The following ELF1 variants were observed in gnomAD, a reference collection of about 807,000 sequenced individuals.
The protein encoded by ELF1 is ETS-related transcription factor Elf-1.
In ELF1, 24 loss-of-function variants were observed where a neutral mutation model predicts 59.9. The ratio of observed to expected loss-of-function variants is 0.40; its 90% confidence interval spans 0.29 to 0.56. The LOEUF is 0.56. ELF1 is among the 20% of genes least tolerant of loss of function. The pLI, the probability that ELF1 is intolerant of heterozygous loss-of-function variation, is 0.44. For missense variants in ELF1, 627 were observed against 742.2 expected (o/e 0.84, Z 1.80); for synonymous variants, 248 against 266.2 (o/e 0.93, Z 0.67).
chr13:40,982,826 G>C, intron 1 of ELF1: 2 of 978,066 alleles, frequency 2.0e-6, no homozygotes, highest in Non-Finnish European at 2.4e-6. Context: ...CTTTAAAAAG[G>C]CTTCTGATAA....
rs1237659823 is a variant in ELF1, at chr13:41,052,870, A to C, written c.-229+7968T>G. On this transcript the variant is annotated intron_variant, in intron 1 of 1. Transcript: ENST00000405737. The stretch of plus-strand genomic sequence containing the variant: ...CTACATAAACGTGCACTTTCATCAT[A>C]GTCTACTTCACTTACAATTACACAG... 2.0e-5 allele frequency among the ~76,000 whole-genome samples: 3 copies of C among 152,368 alleles called. No individual in the cohort carries two copies. The East Asian group carries it at 5.8e-4, about 29-fold the overall frequency.
intron 1 of ELF1, among the ~76,000 whole-genome samples, chr13:41,043,100 T>G (rs1204865345): frequency 6.6e-6 from 1 of 152,250 alleles, no homozygotes; most frequent in Non-Finnish European, 1.5e-5. Flanking sequence ...CAAAAATGTC[T>G]TCTTTTGAGA....
intron 5 of ELF1, among the ~76,000 whole-genome samples, chr13:40,948,440 G>A (rs188772218): frequency 2.0e-5 from 3 of 152,238 alleles, no homozygotes; most frequent in South Asian, 2.1e-4. Flanking sequence ...GCCTCAACAC[G>A]GACAATAAAA....
chr13:41,002,469 C>T (rs1046713403), intron 1 of ELF1, among the ~76,000 whole-genome samples: 3 of 151,212 alleles, frequency 2.0e-5, no homozygotes, highest in African/African-American at 4.9e-5. Flanking sequence ...ATGGCGAGAA[C>T]CCATCTCAAC....
upstream of ELF1, among the ~76,000 whole-genome samples, chr13:41,021,796 G>T (rs376925746): frequency 3.6e-4 from 55 of 152,148 alleles, no homozygotes; most frequent in African/African-American, 1.2e-3. Flanking sequence ...CACTAAAGAA[G>T]TCATACAGAT....
chr13:40,958,998 A>C lies in ELF1; in HGVS notation c.91T>G (p.Phe31Val). ...DERQLGDPAI[F>V]PAVIVEHVPG... is the part of the protein sequence containing the mutation. ...ACATGTTCCACAATTACGGCAGGAA[A>C]AATAGCTGGATCACCAAGCTGGGAA... Residue 31 changes from phenylalanine to valine, a missense_variant, in exon 3 of 9, where the codon TTT becomes GTT. By Grantham distance (50) the Phe-to-Val change is conservative. Transcript: ENST00000239882. 2 of 1,611,480 alleles carry C rather than the reference A, an allele frequency of 1.2e-6. No individual in the cohort carries two copies. The highest frequency in any genetic ancestry group is 1.7e-6 in the Non-Finnish European group (2 of 1,178,786).
intron 1 of ELF1, among the ~76,000 whole-genome samples, chr13:41,012,621 T>A (rs1185760685): frequency 6.6e-6 from 1 of 151,224 alleles, no homozygotes; most frequent in Non-Finnish European, 1.5e-5. Context: ...CATATTTCAC[T>A]GTAGCATTAA....
intron 2 of ELF1, among the ~76,000 whole-genome samples, chr13:40,965,950 T>A (rs144956083): frequency 6.6e-6 from 1 of 152,276 alleles, no homozygotes; most frequent in African/African-American, 2.4e-5. Flanking sequence ...CCCAGGTGGG[T>A]CCAATTTGCA....
chr13:41,003,402 A>G (rs1874575146), intron 1 of ELF1, among the ~76,000 whole-genome samples: 1 of 138,590 alleles, frequency 7.2e-6, no homozygotes, highest in African/African-American at 2.8e-5. Context: ...TAAAAATTAA[A>G]TCCTTAAATT....
chr13:40,982,962 C>A, intron 1 of ELF1: 3 of 695,594 alleles, frequency 4.3e-6, no homozygotes, highest in Non-Finnish European at 5.3e-6. Context: ...CACTTGACCA[C>A]GTCATGGCAA....
At chr13:41,027,488 C>T (rs930719233) in intron 1 of ELF1, among the ~76,000 whole-genome samples, 1 of 152,178 alleles carries the variant, frequency 6.6e-6, no homozygotes, top group African/African-American at 2.4e-5. Context: ...TGGGTATGGC[C>T]ACTGCTGAGT....
intron 1 of ELF1, among the ~76,000 whole-genome samples, chr13:41,054,111 A>G (rs961133870): frequency 6.6e-6 from 1 of 152,228 alleles, no homozygotes. Context: ...ACAGGCCTAC[A>G]TGCCACAATA....
In ELF1 at chr13:40,949,928, G is replaced by T. The variant is rs1231542518; in HGVS notation, c.407C>A (p.Pro136Gln). The T allele has an allele frequency of 6.2e-7, 1 of 1,613,612 alleles. No individual in the cohort carries two copies. The highest frequency in any genetic ancestry group is 8.5e-7 in the Non-Finnish European group (1 of 1,179,806). ...TAATGTGACGGACACATGGGTGACT[G>T]GGGCAACAACCATGTCATCTTCAGG... ...SSPEDDMVVA[P>Q]VTHVSVTLDG... Residue 136 changes from proline to glutamine, a missense_variant, in exon 5 of 9, where the codon CCA becomes CAA. Physicochemically the swap from Pro to Gln is moderately conservative, Grantham distance 76. Around this residue, in one of 3 missense-constraint regions of ELF1, gnomAD observed 232 missense variants for 269.2 expected, o/e 0.86. Coordinates refer to ENST00000239882, the MANE Select transcript of ELF1 (RefSeq NM_172373.4).
chr13:40,968,926 C>A (rs982676871), intron 2 of ELF1, among the ~76,000 whole-genome samples: 14 of 151,992 alleles, frequency 9.2e-5, no homozygotes, highest in African/African-American at 3.4e-4. Context: ...TGTCATGTTG[C>A]CCAGGCTGGT....
At chr13:41,017,893 A>C (rs1425986721) in intron 1 of ELF1, among the ~76,000 whole-genome samples, 1 of 152,236 alleles carries the variant, frequency 6.6e-6, no homozygotes, top group Non-Finnish European at 1.5e-5. Context: ...TAAACCAGCA[A>C]TATGCAAACA....
intron 8 of ELF1, among the ~76,000 whole-genome samples, chr13:40,936,816 G>A (rs924325914): frequency 6.6e-6 from 1 of 151,238 alleles, no homozygotes; most frequent in Non-Finnish European, 1.5e-5. Context: ...GCATGGTGGC[G>A]CGTGCCTATA....
chr13:41,056,336 A>G (rs563092468), intron 1 of ELF1, among the ~76,000 whole-genome samples: 4 of 152,324 alleles, frequency 2.6e-5, no homozygotes, highest in Non-Finnish European at 5.9e-5. Flanking sequence ...TTATTCCCAA[A>G]TATTCCACTG....
rs549467486 is a variant in ELF1, at chr13:41,004,645, C to A, written c.-229+14583G>T. Among the ~76,000 whole-genome samples, 5 of 152,048 alleles carry A rather than the reference C, an allele frequency of 3.3e-5. No homozygotes were observed. In the South Asian group the frequency reaches 8.3e-4, roughly 25 times the overall value. On this transcript the variant is annotated intron_variant, in intron 1 of 8. Coordinates refer to ENST00000239882, the MANE Select transcript of ELF1 (RefSeq NM_172373.4). ...AAATGCTTTGAAAGTTTTACAGAAT[C>A]CTGATATACTAATACATAAAAGTTA...
intron 1 of ELF1, among the ~76,000 whole-genome samples, chr13:41,053,848 G>A (rs532620128): frequency 3.9e-5 from 6 of 152,002 alleles, no homozygotes; most frequent in African/African-American, 9.7e-5. Flanking sequence ...AATAAGTAGC[G>A]TAATATAAAC....
Sources: allele counts gnomAD v4.1 joint callset (sites outside exome capture counted in the v4.1 genomes callset), GRCh38; gene constraint gnomAD v4.1.1; regional missense constraint gnomAD v4.1.1; transcripts MANE v1.5; gene names NCBI Gene and HGNC (gene_info 2026-07-23, HGNC 2026-07-21).